Variants in THNSL1 observed in about 807,000 individuals in gnomAD.
THNSL1 encodes threonine synthase like 1.
THNSL1 carries 48 observed loss-of-function variants against 50.4 expected under a neutral mutation model. That is an observed-to-expected ratio of 0.95 (90% CI 0.76 to 1.21). The LOEUF is 1.21. Among genes scored for constraint, THNSL1 ranks in the 50% most tolerant of loss-of-function variants. The pLI, the probability that THNSL1 is intolerant of heterozygous loss-of-function variation, is 0.00. For synonymous variants in THNSL1, 309 were observed against 306.1 expected (o/e 1.01, Z -0.10); for missense variants, 896 against 871.7 (o/e 1.03, Z -0.35).
chr10:24,988,243 T>C, the THNSL1 span, among the ~76,000 whole-genome samples: 2 of 140,848 alleles, frequency 1.4e-5, no homozygotes, highest in Admixed American at 7.1e-5. Context: ...TGTATATATA[T>C]ATATATATGT....
chr10:25,000,000 G>C, the THNSL1 span, among the ~76,000 whole-genome samples: 1 of 151,854 alleles, frequency 6.6e-6, no homozygotes. Flanking sequence ...TCTTACTTTG[G>C]TTTTAATTTG....
the THNSL1 span, among the ~76,000 whole-genome samples, chr10:24,991,952 C>G: frequency 1.3e-5 from 2 of 152,184 alleles, no homozygotes; most frequent in Non-Finnish European, 1.5e-5. Flanking sequence ...GCATGCTCCC[C>G]CTAGAAGTGT....
At chr10:24,953,066 G>C in the THNSL1 span, among the ~76,000 whole-genome samples, 1 of 151,972 alleles carries the variant, frequency 6.6e-6, no homozygotes, top group African/African-American at 2.4e-5. Context: ...GCACGCGATT[G>C]TCCCAAGCAG....
the THNSL1 span, among the ~76,000 whole-genome samples, chr10:24,994,979 C>T: frequency 6.6e-6 from 1 of 152,054 alleles, no homozygotes; most frequent in Non-Finnish European, 1.5e-5. Flanking sequence ...TGAGATTGCA[C>T]CATTGTACTC....
chr10:24,982,332 A>T, the THNSL1 span: 1 of 151,200 alleles, frequency 6.6e-6, no homozygotes, highest in South Asian at 2.1e-4. Flanking sequence ...AGAGGTCTCT[A>T]GTACCTCAGT....
the THNSL1 span, among the ~76,000 whole-genome samples, chr10:24,953,982 G>A: frequency 6.6e-6 from 1 of 152,110 alleles, no homozygotes; most frequent in African/African-American, 2.4e-5. Context: ...AGAAATGGGG[G>A]GTGTTGTTTC....
the THNSL1 span, among the ~76,000 whole-genome samples, chr10:24,979,403 T>A: frequency 6.6e-6 from 1 of 151,846 alleles, no homozygotes; most frequent in African/African-American, 2.4e-5. Context: ...TGTGTCCTAC[T>A]CAGAGTCAGG....
At chr10:24,965,881 C>A in the THNSL1 span, among the ~76,000 whole-genome samples, 2 of 152,214 alleles carry the variant, frequency 1.3e-5, no homozygotes, top group African/African-American at 4.8e-5. Context: ...CACAGCCACA[C>A]AACCACCTGA....
At chr10:24,963,821 T>C in the THNSL1 span, among the ~76,000 whole-genome samples, 1 of 152,150 alleles carries the variant, frequency 6.6e-6, no homozygotes, top group East Asian at 1.9e-4. Context: ...ACACAGCACA[T>C]TCTAGGAACG....
the THNSL1 span, chr10:24,984,887 C>T: frequency 6.4e-5 from 103 of 1,612,484 alleles, 1 homozygote; most frequent in South Asian, 1.1e-3. Flanking sequence ...TGCACCTCTT[C>T]CCAGTTCTTT....
the THNSL1 span, among the ~76,000 whole-genome samples, chr10:25,001,609 A>G: frequency 1.3e-5 from 2 of 151,940 alleles, no homozygotes; most frequent in East Asian, 3.9e-4. Context: ...TGTGTCTTCA[A>G]ATTCATCTAA....
the THNSL1 span, among the ~76,000 whole-genome samples, chr10:24,967,870 T>C: frequency 6.6e-6 from 1 of 151,854 alleles, no homozygotes; most frequent in Non-Finnish European, 1.5e-5. Context: ...ATGTATATGA[T>C]GTGTGTGTAT....
the THNSL1 span, among the ~76,000 whole-genome samples, chr10:24,957,464 A>ATGCT: frequency 1.3e-5 from 2 of 150,588 alleles, no homozygotes; most frequent in African/African-American, 2.4e-5. Flanking sequence ...TTTTGAGTTG[A>ATGCT]TGTTTGTTTG....
chr10:25,025,088 G>C lies in THNSL1; in HGVS notation c.1865G>C (p.Gly622Ala). ...TTTGTAGCTGACTGGTGCTCTGAGG[G>C]AGAGTGCCTAGCAGCTATTAACTCC... ...QDFVADWCSE[G>A]ECLAAINSTY... Residue 622 changes from glycine to alanine, a missense_variant, in exon 3 of 3, where the codon GGA (glycine) becomes GCA (alanine). Gly to Ala is a moderately conservative substitution (Grantham distance 60, BLOSUM62 0). Coordinates refer to ENST00000376356, the MANE Select transcript of THNSL1 (RefSeq NM_024838.5). 2.5e-6 allele frequency: 4 copies of C among 1,614,206 alleles called. No homozygotes were observed. The highest frequency in any genetic ancestry group is 2.7e-5 in the African/African-American group (2 of 75,056).
chr10:24,994,319 C>T, the THNSL1 span, among the ~76,000 whole-genome samples: 1 of 146,366 alleles, frequency 6.8e-6, no homozygotes, highest in African/African-American at 2.5e-5. Context: ...ACTTATTATT[C>T]TTTAGAATTC....
At chr10:24,967,647 T>A in the THNSL1 span, among the ~76,000 whole-genome samples, 1 of 152,046 alleles carries the variant, frequency 6.6e-6, no homozygotes, top group Admixed American at 6.6e-5. Context: ...CCTATGTGCG[T>A]GTGTGTGTAC....
At chr10:24,956,358 A>G in the THNSL1 span, among the ~76,000 whole-genome samples, 1 of 152,166 alleles carries the variant, frequency 6.6e-6, no homozygotes, top group Non-Finnish European at 1.5e-5. Flanking sequence ...AAGAGCTATA[A>G]GAATAAAGAT....
chr10:25,016,800 G>A (rs1209747447), intron 1 of THNSL1, 108 bp downstream of exon 1: 1 of 152,452 alleles, frequency 6.6e-6, no homozygotes, highest in African/African-American at 2.4e-5. Context: ...GTGAGTTATT[G>A]GAGGAGAAAG....
At chr10:25,015,890 CT>C, upstream of THNSL1, 1 of 1,606,368 alleles carries the variant, frequency 6.2e-7, no homozygotes, top group East Asian at 2.2e-5. Flanking sequence ...CTTCAAGTCA[CT>C]GGGTATGAGG....
Sources: allele counts gnomAD v4.1 joint callset (sites outside exome capture counted in the v4.1 genomes callset), GRCh38; gene constraint gnomAD v4.1.1; transcripts MANE v1.5; gene names NCBI Gene and HGNC (gene_info 2026-07-23, HGNC 2026-07-21).